Variants in CNNM2 observed in about 807,000 individuals in gnomAD.
CNNM2 encodes the protein metal transporter CNNM2.
A neutral mutation model predicts 66.9 loss-of-function variants in CNNM2; 12 were observed. The observed-to-expected ratio is 0.18, with a 90% confidence interval of 0.11 to 0.29. The LOEUF is 0.29. Among genes scored for constraint, CNNM2 ranks in the 10% least tolerant of loss-of-function variants. The probability of loss-of-function intolerance (pLI) is 1.00; values close to 1 mark genes in which losing one functional copy is unlikely to be tolerated. For synonymous variants in CNNM2, 557 were observed against 501.8 expected (o/e 1.11, Z -1.47); for missense variants, 705 against 1,167.7 (o/e 0.60, Z 5.77).
chr10:103,000,844 G>C (rs547463525), intron 1 of CNNM2, among the ~76,000 whole-genome samples: 29 of 152,322 alleles, frequency 1.9e-4, no homozygotes, highest in African/African-American at 6.3e-4. Context: ...TTCCCAGAGT[G>C]CTGGGATTGC....
rs545320725 is a variant in CNNM2 at position 103,082,640 on chromosome 10, C to G, written c.*5460C>G. The G allele has an allele frequency of 6.6e-6, 1 of 152,274 alleles. No homozygotes were observed. The highest frequency in any genetic ancestry group is 2.4e-5 in the African/African-American group (1 of 41,528). 9.4% of individuals were successfully genotyped at this position (152,274 alleles called of 1,614,324 possible). On this transcript the variant is annotated 3_prime_UTR_variant, in exon 8 of 8. Coordinates refer to ENST00000369878, the MANE Select transcript of CNNM2 (RefSeq NM_017649.5). ...TCCATGGATCCTAGGGTTCTGCTGT[C>G]CTTTAAGGCGGGTGAGAGGGTAGTG... is the stretch of plus-strand genomic sequence containing the variant.
intron 4 of CNNM2, among the ~76,000 whole-genome samples, chr10:103,067,705 G>A (rs2065504437): frequency 6.6e-6 from 1 of 152,248 alleles, no homozygotes; most frequent in South Asian, 2.1e-4. Context: ...GGACCCTGGG[G>A]TTCCAGGGAT....
chr10:103,071,886 T>C (rs1274485069), intron 6 of CNNM2, 47 bp downstream of exon 6: 1 of 1,561,160 alleles, frequency 6.4e-7, no homozygotes, highest in African/African-American at 1.4e-5. Flanking sequence ...TTGCCTTCCT[T>C]GCCCCCCATC....
chr10:102,976,546 A>G (rs1014832133), intron 1 of CNNM2, among the ~76,000 whole-genome samples: 15 of 144,196 alleles, frequency 1.0e-4, no homozygotes, highest in Non-Finnish European at 1.6e-4. Flanking sequence ...TCTGGGTTCA[A>G]GCAGTTCCCT....
At chr10:102,975,125 AATG>A (rs2063605739) in intron 1 of CNNM2, among the ~76,000 whole-genome samples, 1 of 152,148 alleles carries the variant, frequency 6.6e-6, no homozygotes, top group Admixed American at 6.5e-5. Flanking sequence ...AGAGCTGTTT[AATG>A]ATGGAGTAGA....
At chr10:102,951,825 A>G (rs1277230990) in intron 1 of CNNM2, among the ~76,000 whole-genome samples, 2 of 150,462 alleles carry the variant, frequency 1.3e-5, no homozygotes, top group Admixed American at 6.6e-5. Flanking sequence ...TTTTTGAGAC[A>G]GGAATTTCGC....
rs1328714971 is a variant in CNNM2, at chr10:103,077,339, G to A, written c.*159G>A. On this transcript the variant is annotated 3_prime_UTR_variant, in exon 8 of 8. Coordinates refer to ENST00000369878, the MANE Select transcript of CNNM2 (RefSeq NM_017649.5). ...TGCCCTTCCCAGGAGCCGCGGAGGAGGACAGTGAGGGAGGAATGGAAACGA... is the reference window on the plus strand; with the variant it reads ...TGCCCTTCCCAGGAGCCGCGGAGGAAGACAGTGAGGGAGGAATGGAAACGA... The A allele has an allele frequency of 4.8e-6, 3 of 621,592 alleles. No individual in the cohort carries two copies. The highest frequency in any genetic ancestry group is 4.3e-4 in the Middle Eastern group (1 of 2,302). 38.5% of individuals were successfully genotyped at this position (621,592 alleles called of 1,614,324 possible).
At chr10:102,933,013 A>C (rs1157276493) in intron 1 of CNNM2, among the ~76,000 whole-genome samples, 1 of 152,002 alleles carries the variant, frequency 6.6e-6, no homozygotes, top group African/African-American at 2.4e-5. Context: ...TGTCAGTACT[A>C]CACTGTTTTG....
intron 1 of CNNM2, among the ~76,000 whole-genome samples, chr10:102,928,337 T>C (rs1845945750): frequency 6.6e-6 from 1 of 151,964 alleles, no homozygotes; most frequent in Non-Finnish European, 1.5e-5. Context: ...TTGTAATCCC[T>C]GCACTTTGGG....
At chr10:102,952,143 A>G (rs1271983161) in intron 1 of CNNM2, among the ~76,000 whole-genome samples, 1 of 151,170 alleles carries the variant, frequency 6.6e-6, no homozygotes, top group African/African-American at 2.4e-5. Flanking sequence ...TCTTTGCTAT[A>G]ATGTCCAGGC....
intron 6 of CNNM2, among the ~76,000 whole-genome samples, chr10:103,072,511 C>A (rs1321443764): frequency 6.6e-6 from 1 of 152,128 alleles, no homozygotes; most frequent in Non-Finnish European, 1.5e-5. Flanking sequence ...CCCCGCTTCT[C>A]CCCGCCACCA....
chr10:103,080,535 T>C lies in CNNM2; in HGVS notation c.*3355T>C, dbSNP rs2065747808. On this transcript the variant is annotated 3_prime_UTR_variant, in exon 8 of 8. Transcript: ENST00000369878. ...TTGAACTCTGTTCTTTCCTCCCTCC[T>C]CACCTCACTCCCTGCAGGGAGTTCA... 6.6e-6 allele frequency: 1 copy of C among 152,146 alleles called. No individual in the cohort carries two copies. The highest frequency in any genetic ancestry group is 2.1e-4 in the South Asian group (1 of 4,822). 9.4% of individuals were successfully genotyped at this position (152,146 alleles called of 1,614,324 possible).
intron 3 of CNNM2, 126 bp from the exon 4 acceptor site, chr10:103,056,669 C>T (rs952509667): frequency 1.1e-6 from 1 of 886,904 alleles, no homozygotes; most frequent in Non-Finnish European, 1.8e-6. Context: ...AAACGGAAGC[C>T]TCGTCCATTC....
rs1157956217 is a variant in CNNM2 at position 103,086,856 on chromosome 10, CAG to C, written c.*9679_*9680del. On this transcript the variant is annotated 3_prime_UTR_variant, in exon 8 of 8. Coordinates refer to ENST00000369878, the MANE Select transcript of CNNM2 (RefSeq NM_017649.5). The stretch of plus-strand genomic sequence containing the variant: ...GACCAACTTTTCTGAAGTACACCAT[CAG>C]AGTTTTCACTGACTATCTATCTTTG... 6.6e-6 allele frequency: 1 copy of C among 152,198 alleles called. No individual in the cohort carries two copies. Among genetic ancestry groups the C allele is most frequent in the Non-Finnish European group, 1.5e-5 (1 of 68,042 alleles). 9.4% of individuals were successfully genotyped at this position (152,198 alleles called of 1,614,324 possible).
chr10:103,075,688 A>C (rs1454478594), intron 6 of CNNM2, among the ~76,000 whole-genome samples: 2 of 152,218 alleles, frequency 1.3e-5, no homozygotes, highest in Non-Finnish European at 2.9e-5. Context: ...TACTTCGGGC[A>C]AAGTAATGAA....
chr10:103,088,718 C>T lies in CNNM2; in HGVS notation c.*11538C>T, dbSNP rs1205795476. 5.6e-6 allele frequency: 1 copy of T among 178,194 alleles called. No individual in the cohort carries two copies. The highest frequency in any genetic ancestry group is 1.2e-5 in the Non-Finnish European group (1 of 83,008). 11.0% of individuals were successfully genotyped at this position (178,194 alleles called of 1,614,324 possible). A position where few individuals can be genotyped will look rare whatever the true frequency, so the allele number is the denominator to read the frequency against. The stretch of plus-strand genomic sequence containing the variant: ...TGAGATTCTGAAGTGAATTTATTCA[C>T]ACTGATTGTGCCCTCTACTTTAGTA... On this transcript the variant is annotated 3_prime_UTR_variant, in exon 8 of 8. Transcript: ENST00000369878.
chr10:102,927,567 A>G (rs1037032179), intron 1 of CNNM2: 3 of 1,039,496 alleles, frequency 2.9e-6, no homozygotes, highest in Admixed American at 5.7e-5. Flanking sequence ...CCAGACTGAC[A>G]GTCTGGCCAC....
intron 1 of CNNM2, among the ~76,000 whole-genome samples, chr10:102,930,485 T>C (rs899831651): frequency 6.6e-6 from 1 of 152,212 alleles, no homozygotes; most frequent in African/African-American, 2.4e-5. Flanking sequence ...AAGGAACTCA[T>C]TCCATTTCTC....
Position 102,918,721 on chromosome 10 carries a change from G to A in CNNM2, c.241G>A (p.Asp81Asn). 1 of 1,572,902 alleles carries A rather than the reference G, an allele frequency of 6.4e-7. No homozygotes were observed. The highest frequency in any genetic ancestry group is 8.6e-7 in the Non-Finnish European group (1 of 1,159,932). The change falls in exon 1 of 8, where the codon GAC (aspartate) becomes AAC (asparagine). Residue 81 changes from aspartate to asparagine, a missense_variant. Transcript: ENST00000369878. The surrounding 1 kb of genome is among the most constrained non-coding windows in gnomAD (Gnocchi z 4.1). ...ETVIIGLRLE[D>N]TNDVSFMEGG... ...GGTGATCATCGGGCTGCGACTGGAG[G>A]ACACGAACGACGTGTCGTTCATGGA...
Sources: allele counts gnomAD v4.1 joint callset (sites outside exome capture counted in the v4.1 genomes callset), GRCh38; gene constraint gnomAD v4.1.1; non-coding constraint Gnocchi (gnomAD v3.1); transcripts MANE v1.5; gene names NCBI Gene and HGNC (gene_info 2026-07-23, HGNC 2026-07-21).